SLC67A2: variants seen among roughly 807,000 people sequenced by gnomAD.
SLC67A2 encodes the protein solute carrier family 67 member A2.
At chr2:102,734,654 T>C in the SLC67A2 span, among the ~76,000 whole-genome samples, 1 of 152,182 alleles carries the variant, frequency 6.6e-6, no homozygotes, top group Non-Finnish European at 1.5e-5. Context: ...TTGTTTACAA[T>C]ATTTTCCATT....
At chr2:102,726,818 A>G in the SLC67A2 span, 9 of 1,054,062 alleles carry the variant, frequency 8.5e-6, no homozygotes, top group East Asian at 3.3e-5. Flanking sequence ...CTACGTTTGA[A>G]AAAAAAAAAA....
chr2:102,715,300 T>G, the SLC67A2 span, among the ~76,000 whole-genome samples: 1 of 152,172 alleles, frequency 6.6e-6, no homozygotes, highest in African/African-American at 2.4e-5. Context: ...GCCGAATCCA[T>G]TCTTGATCTA....
At chr2:102,736,428 G>T in the SLC67A2 span, 3 of 1,303,228 alleles carry the variant, frequency 2.3e-6, no homozygotes, top group Non-Finnish European at 2.0e-6. Flanking sequence ...CGCGAACGGG[G>T]TGCAAGAGAA....
the SLC67A2 span, among the ~76,000 whole-genome samples, chr2:102,721,907 T>C: frequency 6.6e-6 from 1 of 152,134 alleles, no homozygotes; most frequent in Non-Finnish European, 1.5e-5. Context: ...GGTCTCACTA[T>C]CTTTCCCAGG....
At chr2:102,722,101 A>G in the SLC67A2 span, among the ~76,000 whole-genome samples, 1 of 152,240 alleles carries the variant, frequency 6.6e-6, no homozygotes, top group Non-Finnish European at 1.5e-5. Flanking sequence ...GAACAAAGAG[A>G]ACGTAAGCAG....
the SLC67A2 span, chr2:102,732,557 A>T: frequency 3.2e-6 from 2 of 622,652 alleles, no homozygotes; most frequent in Non-Finnish European, 5.5e-6. Context: ...ATGCCATACA[A>T]ATCCGCTGCC....
At chr2:102,734,595 T>C in the SLC67A2 span, among the ~76,000 whole-genome samples, 4 of 152,172 alleles carry the variant, frequency 2.6e-5, no homozygotes, top group Admixed American at 1.3e-4. Flanking sequence ...CTAACAATCA[T>C]CTGTTAGGTA....
chr2:102,723,463 T>C, the SLC67A2 span, among the ~76,000 whole-genome samples: 3 of 151,476 alleles, frequency 2.0e-5, no homozygotes, highest in Admixed American at 1.3e-4. Context: ...GAGCAAAACT[T>C]GGTCTCAAAA....
chr2:102,716,955 C>T, the SLC67A2 span: 4 of 152,164 alleles, frequency 2.6e-5, no homozygotes, highest in Non-Finnish European at 5.9e-5. Context: ...CTTGTTTAGA[C>T]AAGAAATGGC....
the SLC67A2 span, among the ~76,000 whole-genome samples, chr2:102,734,963 G>C: frequency 1.3e-5 from 2 of 152,228 alleles, no homozygotes; most frequent in African/African-American, 2.4e-5. Flanking sequence ...GGACTTTCCA[G>C]GTAAGGGCTC....
chr2:102,718,311 G>T, the SLC67A2 span: 1 of 1,369,142 alleles, frequency 7.3e-7, no homozygotes, highest in Non-Finnish European at 1.0e-6. Flanking sequence ...CACCCACCCG[G>T]AAATATTTCC....
chr2:102,728,731 T>G, the SLC67A2 span, among the ~76,000 whole-genome samples: 1 of 152,314 alleles, frequency 6.6e-6, no homozygotes, highest in Non-Finnish European at 1.5e-5. Context: ...AACGCTGAAC[T>G]CATCATTCCT....
the SLC67A2 span, among the ~76,000 whole-genome samples, chr2:102,729,030 T>C: frequency 9.2e-5 from 14 of 152,226 alleles, no homozygotes; most frequent in Non-Finnish European, 1.5e-4. Flanking sequence ...TCTGACAGAA[T>C]ATACTTTTTC....
At chr2:102,726,946 C>CGTGGGAA in the SLC67A2 span, 1 of 1,613,510 alleles carries the variant, frequency 6.2e-7, no homozygotes, top group African/African-American at 1.3e-5. Context: ...CAAGGAAGAC[C>CGTGGGAA]GTCTTCCCAC....
chr2:102,731,036 T>C, the SLC67A2 span: 1 of 1,613,880 alleles, frequency 6.2e-7, no homozygotes, highest in Non-Finnish European at 8.5e-7. Context: ...ACCAATGTGC[T>C]AGAAAAGAGT....
chr2:102,730,294 C>T, the SLC67A2 span, among the ~76,000 whole-genome samples: 1 of 152,166 alleles, frequency 6.6e-6, no homozygotes, highest in Non-Finnish European at 1.5e-5. Flanking sequence ...AAGCGATCCT[C>T]CAACCTTAGC....
chr2:102,727,321 C>G, the SLC67A2 span, among the ~76,000 whole-genome samples: 2 of 152,048 alleles, frequency 1.3e-5, no homozygotes, highest in Admixed American at 1.3e-4. Context: ...CTTCAGATAC[C>G]ATGTACATTT....
the SLC67A2 span, chr2:102,731,953 G>A: frequency 1.2e-5 from 4 of 342,312 alleles, no homozygotes; most frequent in African/African-American, 8.7e-5. Flanking sequence ...TGTGATTTCT[G>A]TAGATTATGT....
chr2:102,721,710 T>C, the SLC67A2 span, among the ~76,000 whole-genome samples: 1 of 152,114 alleles, frequency 6.6e-6, no homozygotes, highest in Admixed American at 6.6e-5. Flanking sequence ...TGTATATATG[T>C]ATGTCTTTAT....
Sources: allele counts gnomAD v4.1 joint callset (sites outside exome capture counted in the v4.1 genomes callset), GRCh38; gene constraint gnomAD v4.1.1; transcripts MANE v1.5; gene names NCBI Gene and HGNC (gene_info 2026-07-23, HGNC 2026-07-21).